Variants in CADPS2 observed in about 807,000 individuals in gnomAD.
CADPS2 encodes the protein calcium dependent secretion activator 2.
A neutral mutation model predicts 172.5 loss-of-function variants in CADPS2; 93 were observed. That is an observed-to-expected ratio of 0.54 (90% CI 0.46 to 0.64). The LOEUF (loss-of-function observed/expected upper bound fraction) is 0.64, where lower values mean the gene tolerates loss of function less well. Among genes scored for constraint, CADPS2 ranks in the 30% least tolerant of loss-of-function variants. CADPS2 has a pLI of 0.00. For synonymous variants in CADPS2, 546 were observed against 555.2 expected, an observed-to-expected ratio of 0.98 and a Z score of 0.23; for missense variants, 1,420 against 1,565.9, an observed-to-expected ratio of 0.91 and a Z score of 1.57.
At chr7:122,549,390 G>A (rs985539949) in intron 8 of CADPS2, among the ~76,000 whole-genome samples, 1 of 152,124 alleles carries the variant, frequency 6.6e-6, no homozygotes, top group South Asian at 2.1e-4. Context: ...AATACTTACC[G>A]TCTACATGAC....
chr7:122,474,595 A>C lies in CADPS2; in HGVS notation c.1862-78T>G, dbSNP rs2056409926. On this transcript the variant is annotated intron_variant, in intron 12 of 29. Transcript: ENST00000449022. The stretch of plus-strand genomic sequence containing the variant: ...GGACATACAAGTTGTGAAGAATACA[A>C]AATGCGTGACTCAAGCAGAAGACTA... The C allele has an allele frequency of 1.0e-5, 14 of 1,367,608 alleles. No homozygotes were observed. The South Asian group carries it at 1.8e-4, about 18-fold the overall frequency. The allele number at this position is 1,367,608 out of a possible 1,614,324, so 84.7% of individuals were successfully genotyped here. A position where few individuals can be genotyped will look rare whatever the true frequency, so the allele number is the denominator to read the frequency against.
intron 1 of CADPS2, among the ~76,000 whole-genome samples, chr7:122,822,753 C>T (rs1349557839): frequency 6.6e-6 from 1 of 152,018 alleles, no homozygotes; most frequent in Non-Finnish European, 1.5e-5. Context: ...AAGTCCTTTT[C>T]CTGGCTCATC....
intron 22 of CADPS2, among the ~76,000 whole-genome samples, chr7:122,391,000 G>C (rs1318506070): frequency 1.3e-5 from 2 of 151,860 alleles, no homozygotes; most frequent in African/African-American, 4.8e-5. Context: ...CATGATTTAT[G>C]CATTGGTAGG....
intron 11 of CADPS2, among the ~76,000 whole-genome samples, chr7:122,482,887 C>T (rs997903515): frequency 3.3e-5 from 5 of 152,172 alleles, no homozygotes; most frequent in Non-Finnish European, 7.4e-5. Context: ...GACTACCCAT[C>T]AGCTCATGCA....
chr7:122,614,093 C>A (rs987411786), intron 6 of CADPS2, among the ~76,000 whole-genome samples: 1 of 151,646 alleles, frequency 6.6e-6, no homozygotes, highest in Non-Finnish European at 1.5e-5. Flanking sequence ...AAAGCAAGTG[C>A]GACACTGAGA....
intron 1 of CADPS2, among the ~76,000 whole-genome samples, chr7:122,742,257 T>G (rs1327050280): frequency 6.6e-6 from 1 of 151,642 alleles, no homozygotes; most frequent in Non-Finnish European, 1.5e-5. Context: ...TAGCCGGGTG[T>G]GGTGGCATGT....
At chr7:122,526,574 A>G (rs746603185) in intron 8 of CADPS2, among the ~76,000 whole-genome samples, 1 of 152,084 alleles carries the variant, frequency 6.6e-6, no homozygotes, top group Non-Finnish European at 1.5e-5. Context: ...TACTCTTCCA[A>G]TTGTTCACAT....
intron 28 of CADPS2, among the ~76,000 whole-genome samples, chr7:122,335,695 C>T (rs2035755746): frequency 1.3e-5 from 2 of 152,188 alleles, no homozygotes; most frequent in South Asian, 4.2e-4. Context: ...GACTCTAAAC[C>T]CTAAGCATGA....
intron 17 of CADPS2, among the ~76,000 whole-genome samples, chr7:122,436,968 A>G (rs971564679): frequency 4.6e-5 from 7 of 152,124 alleles, no homozygotes; most frequent in Non-Finnish European, 1.0e-4. Context: ...TGGGTAGAGT[A>G]CATAACATTT....
At chr7:122,820,280 T>G (rs1024798867) in intron 1 of CADPS2, among the ~76,000 whole-genome samples, 2 of 152,162 alleles carry the variant, frequency 1.3e-5, no homozygotes, top group Admixed American at 6.5e-5. Flanking sequence ...TAGGCTGCAC[T>G]GCCACAAAGC....
intron 25 of CADPS2, among the ~76,000 whole-genome samples, chr7:122,362,085 A>G (rs192604338): frequency 2.0e-5 from 3 of 152,230 alleles, no homozygotes; most frequent in Non-Finnish European, 4.4e-5. Flanking sequence ...AAAAACAAAA[A>G]CAAAAACAAA....
chr7:122,833,482 C>T (rs1302879351), intron 1 of CADPS2, among the ~76,000 whole-genome samples: 1 of 152,100 alleles, frequency 6.6e-6, no homozygotes, highest in East Asian at 1.9e-4. Flanking sequence ...CTCAGCCTCC[C>T]AAGTAGCTTG....
intron 20 of CADPS2, among the ~76,000 whole-genome samples, chr7:122,396,328 TC>T (rs1352332860): frequency 6.6e-6 from 1 of 152,170 alleles, no homozygotes; most frequent in Non-Finnish European, 1.5e-5. Context: ...CGTGCTCTCT[TC>T]ATCACCACTG....
At chr7:122,364,413 T>TAAAAA (rs916412439) in intron 25 of CADPS2, among the ~76,000 whole-genome samples, 3 of 77,898 alleles carry the variant, frequency 3.9e-5, no homozygotes, top group African/African-American at 5.3e-5. Flanking sequence ...TGTCTCAAGT[T>TAAAAA]AAAAAAAAAA....
intron 25 of CADPS2, among the ~76,000 whole-genome samples, chr7:122,371,482 A>G (rs1473791271): frequency 6.6e-5 from 10 of 150,674 alleles, no homozygotes; most frequent in Admixed American, 6.6e-4. Context: ...CTCACTCACT[A>G]TCATGAGAAT....
intron 22 of CADPS2, among the ~76,000 whole-genome samples, chr7:122,390,542 T>A (rs2044244090): frequency 6.6e-6 from 1 of 152,032 alleles, no homozygotes; most frequent in African/African-American, 2.4e-5. Context: ...ACAAAATCTC[T>A]AATGGTAAAG....
chr7:122,325,361 T>C (rs936303844), intron 29 of CADPS2, 116 bp downstream of exon 29: 6 of 637,128 alleles, frequency 9.4e-6, no homozygotes, highest in Non-Finnish European at 1.7e-5. Context: ...TAGCACATCA[T>C]TGCTAATAAG....
At chr7:122,431,579 AACAG>A (rs2049915588) in intron 17 of CADPS2, among the ~76,000 whole-genome samples, 1 of 152,202 alleles carries the variant, frequency 6.6e-6, no homozygotes, top group East Asian at 1.9e-4. Context: ...AGAAGAGATC[AACAG>A]ACAGACAGTG....
intron 2 of CADPS2, among the ~76,000 whole-genome samples, chr7:122,681,914 CTT>C (rs994293857): frequency 1.4e-5 from 2 of 147,174 alleles, no homozygotes; most frequent in African/African-American, 5.0e-5. Flanking sequence ...AAGCATAAAG[CTT>C]TTTTTTTTGT....
Sources: gnomAD v4.1 joint callset for allele counts (sites outside exome capture counted in the v4.1 genomes callset) on GRCh38, gnomAD v4.1.1 for gene constraint, MANE v1.5 for transcripts, NCBI Gene and HGNC (gene_info 2026-07-23, HGNC 2026-07-21) for gene names.